Variants in DNAH7 observed in about 807,000 individuals in gnomAD.
DNAH7 encodes dynein axonemal heavy chain 7, also known as axonemal beta dynein heavy chain 7.
A neutral mutation model predicts 444.6 loss-of-function variants in DNAH7; 397 were observed. The observed-to-expected ratio is 0.89, with a 90% CI of 0.82 to 0.97. The LOEUF (loss-of-function observed/expected upper bound fraction) is 0.97. Among genes scored for constraint, DNAH7 ranks in the 50% least tolerant of loss-of-function variants. The pLI is 0.00. For synonymous variants in DNAH7, 1,636 were observed against 1,624.4 expected (o/e 1.01, Z -0.17); for missense variants, 4,902 against 4,800.8 (o/e 1.02, Z -0.62).
At chr2:195,781,369 C>T (rs1276475940) in intron 58 of DNAH7, among the ~76,000 whole-genome samples, 2 of 152,086 alleles carry the variant, frequency 1.3e-5, no homozygotes, top group Admixed American at 1.3e-4. Flanking sequence ...TAAACTTGGC[C>T]AACATGCCCC....
At position 195,892,141 on chromosome 2, in the gene DNAH7, G is replaced by A. The variant is rs555938421; in HGVS notation, c.4897-337C>T. 3.3e-5 allele frequency among the ~76,000 whole-genome samples: 5 copies of A among 152,166 alleles called. 1 individual carries two copies. In the South Asian group the frequency reaches 8.3e-4, roughly 25 times the overall value. On this transcript the variant is annotated intron_variant, in intron 30 of 64. Transcript: ENST00000312428. ...CAAATTCTTCTGTAAAAGATAAGAT[G>A]GTAAATATTATATAGGCTTTGCAAG...
At chr2:196,003,162 CA>C (rs796806394) in intron 10 of DNAH7, among the ~76,000 whole-genome samples, 1,637 of 118,592 alleles carry the variant, frequency 0.014, 6 homozygotes, top group African/African-American at 0.022. Flanking sequence ...GCAATTTCAC[CA>C]AAAAAAAAAA....
intron 63 of DNAH7, 66 bp downstream of exon 63, chr2:195,754,271 T>C (rs1215141664): frequency 6.8e-7 from 1 of 1,469,508 alleles, no homozygotes; most frequent in Non-Finnish European, 9.2e-7. Flanking sequence ...GAGGAAAGTA[T>C]GCTAGAATGT....
intron 10 of DNAH7, among the ~76,000 whole-genome samples, chr2:196,010,219 G>C (rs1694646520): frequency 6.6e-6 from 1 of 150,614 alleles, no homozygotes. Flanking sequence ...GTGTGATCTT[G>C]GCTCACTGCA....
At chr2:196,057,244 A>G (rs1047385348) in intron 2 of DNAH7, among the ~76,000 whole-genome samples, 4 of 152,206 alleles carry the variant, frequency 2.6e-5, no homozygotes, top group South Asian at 2.1e-4. Flanking sequence ...TGAGCACAAT[A>G]TAAGGTTTTA....
At position 196,000,895 on chromosome 2, in the gene DNAH7, T is replaced by TA. The variant is rs772344897; in HGVS notation, c.1174-13dup. The TA allele has an allele frequency of 9.7e-6, 15 of 1,552,326 alleles. No homozygotes were observed. Among genetic ancestry groups the TA allele is most frequent in the Non-Finnish European group, 1.3e-5 (15 of 1,154,036 alleles). On this transcript the variant is annotated splice_polypyrimidine_tract_variant and intron_variant, in intron 11 of 64. Transcript: ENST00000312428. ...GCTCTAACAGAATCCTGCAAAAAAT[T>TA]AAAAAATTTACATACATAAATATGT... is the stretch of plus-strand genomic sequence containing the variant.
At chr2:196,012,241 ACTGT>A (rs1397046590) in intron 10 of DNAH7, among the ~76,000 whole-genome samples, 2 of 152,176 alleles carry the variant, frequency 1.3e-5, no homozygotes, top group Non-Finnish European at 2.9e-5. Flanking sequence ...TTCAAAGCAT[ACTGT>A]CTGATTCCCA....
chr2:196,018,506 C>T (rs1474501150), intron 9 of DNAH7, among the ~76,000 whole-genome samples: 2 of 151,832 alleles, frequency 1.3e-5, no homozygotes, highest in Non-Finnish European at 2.9e-5. Context: ...GTATCAGAAA[C>T]TGAAATAAAA....
intron 54 of DNAH7, among the ~76,000 whole-genome samples, chr2:195,801,526 C>T (rs1490470084): frequency 3.3e-5 from 5 of 152,038 alleles, no homozygotes; most frequent in African/African-American, 4.8e-5. Flanking sequence ...GCCCCAGCAC[C>T]ACCCCGACTG....
At chr2:195,972,658 A>T (rs1313680570) in intron 15 of DNAH7, among the ~76,000 whole-genome samples, 192 bp from the exon 16 acceptor site, 1 of 152,248 alleles carries the variant, frequency 6.6e-6, no homozygotes, top group Non-Finnish European at 1.5e-5. Flanking sequence ...ACAACAAAAA[A>T]AAAGAAAAAG....
intron 33 of DNAH7, 58 bp from the exon 34 acceptor site, chr2:195,886,330 G>T: frequency 6.8e-7 from 1 of 1,474,596 alleles, no homozygotes; most frequent in Non-Finnish European, 9.3e-7. Flanking sequence ...AGCTAAAATA[G>T]CCCCAGCTAA....
At chr2:195,848,349 C>T (rs1465740416) in intron 46 of DNAH7, among the ~76,000 whole-genome samples, 8 of 152,230 alleles carry the variant, frequency 5.3e-5, no homozygotes, top group Admixed American at 5.2e-4. Context: ...CCAGGTTATG[C>T]ATCTTTGGCA....
rs569223225 is a variant in DNAH7 at position 195,764,633 on chromosome 2, T to C, written c.11433+7027A>G. On this transcript the variant is annotated intron_variant, in intron 61 of 64. Coordinates refer to ENST00000312428, the MANE Select transcript of DNAH7 (RefSeq NM_018897.3). ...GGAAATCAAGAAATCAAGAATCCCA[T>C]TTACAATAGCTACAAAAAGATAAAA... Among the ~76,000 whole-genome samples the C allele has an allele frequency of 3.0e-3, 460 of 151,970 alleles. 3 individuals carry two copies. Among genetic ancestry groups the C allele is most frequent in the African/African-American group, 0.011 (441 of 41,486 alleles).
intron 13 of DNAH7, 24 bp downstream of exon 13, chr2:195,987,933 T>C: frequency 6.4e-7 from 1 of 1,565,076 alleles, no homozygotes; most frequent in Non-Finnish European, 8.7e-7. Flanking sequence ...GAGATAACAG[T>C]TGCACAAAAC....
At chr2:195,837,525 T>C (rs1698434059) in intron 47 of DNAH7, among the ~76,000 whole-genome samples, 1 of 152,222 alleles carries the variant, frequency 6.6e-6, no homozygotes, top group Non-Finnish European at 1.5e-5. Flanking sequence ...TCTTCTTTCT[T>C]TCTATTTTCT....
rs1700038379 is a variant in DNAH7 at position 195,861,887 on chromosome 2, C to T, written c.7566G>A (p.Met2522Ile). The T allele has an allele frequency of 6.2e-7, 1 of 1,613,994 alleles. No homozygotes were observed. Among genetic ancestry groups the T allele is most frequent in the East Asian group, 2.2e-5 (1 of 44,874 alleles). ...VASRFLEEIE[M>I]SEEIRDGCID... ...TACAGCCATCTCGTATTTCCTCTGACATTTCAATTTCTTCCAAGAATCGTG... is the reference window on the plus strand; with the variant it reads ...TACAGCCATCTCGTATTTCCTCTGATATTTCAATTTCTTCCAAGAATCGTG... The change falls in exon 42 of 65, where the codon ATG becomes ATA. Residue 2522 changes from methionine to isoleucine, a missense_variant. Met to Ile is a conservative substitution (Grantham distance 10, BLOSUM62 1). Coordinates refer to ENST00000312428, the MANE Select transcript of DNAH7 (RefSeq NM_018897.3).
intron 14 of DNAH7, 48 bp downstream of exon 14, chr2:195,987,018 T>C: frequency 6.6e-7 from 1 of 1,504,366 alleles, no homozygotes; most frequent in South Asian, 1.4e-5. Flanking sequence ...GCTGATTCTA[T>C]TAAACATCCC....
At chr2:195,946,304 T>C (rs1689800459) in intron 19 of DNAH7, among the ~76,000 whole-genome samples, 2 of 152,104 alleles carry the variant, frequency 1.3e-5, no homozygotes, top group African/African-American at 2.4e-5. Context: ...ATTTGTGAAA[T>C]ACTGCTACAG....
chr2:196,026,969 A>C (rs757510915), intron 6 of DNAH7, 29 bp from the exon 7 acceptor site: 2 of 1,507,754 alleles, frequency 1.3e-6, no homozygotes, highest in Admixed American at 4.0e-5. Flanking sequence ...AAAAATGTAG[A>C]TGTTTAACAA....
Sources: allele counts gnomAD v4.1 joint callset (sites outside exome capture counted in the v4.1 genomes callset), GRCh38; gene constraint gnomAD v4.1.1; transcripts MANE v1.5; gene names NCBI Gene and HGNC (gene_info 2026-07-23, HGNC 2026-07-21).